TDRD3: variants seen among roughly 807,000 people sequenced by gnomAD.
TDRD3 encodes the protein tudor domain containing 3.
Under a neutral mutation model 86.7 loss-of-function variants are expected in TDRD3, and 45 were observed. The observed-to-expected ratio is 0.52, with a 90% CI of 0.41 to 0.67. The LOEUF (loss-of-function observed/expected upper bound fraction) is 0.67, where lower values mean the gene tolerates loss of function less well. Among genes scored for constraint, TDRD3 ranks in the 30% least tolerant of loss-of-function variants. The pLI, the probability that TDRD3 is intolerant of heterozygous loss-of-function variation, is 0.00. For synonymous variants in TDRD3, 298 were observed against 301.7 expected (o/e 0.99, Z 0.13); for missense variants, 814 against 889.0 (o/e 0.92, Z 1.07).
At chr13:60,410,915 C>T (rs1954349460) in intron 1 of TDRD3, among the ~76,000 whole-genome samples, 1 of 152,048 alleles carries the variant, frequency 6.6e-6, no homozygotes, top group Non-Finnish European at 1.5e-5. Context: ...TCTTTATAAA[C>T]ATATTAATTA....
chr13:60,462,969 T>C (rs1371344873), intron 4 of TDRD3, among the ~76,000 whole-genome samples: 3 of 152,088 alleles, frequency 2.0e-5, no homozygotes, highest in Non-Finnish European at 4.4e-5. Context: ...ATCCACATAC[T>C]TATAGCCAAC....
At chr13:60,433,186 T>A (rs1954997571) in intron 1 of TDRD3, among the ~76,000 whole-genome samples, 2 of 152,210 alleles carry the variant, frequency 1.3e-5, no homozygotes, top group Non-Finnish European at 2.9e-5. Flanking sequence ...AAGTTGCAGT[T>A]CAGATTTGAA....
At chr13:60,497,523 C>T (rs928850070) in intron 8 of TDRD3, among the ~76,000 whole-genome samples, 8 of 152,156 alleles carry the variant, frequency 5.3e-5, no homozygotes, top group African/African-American at 1.7e-4. Context: ...CTTAGTCGGC[C>T]TAGGAAATCC....
At chr13:60,461,816 G>A (rs189112270) in intron 4 of TDRD3, among the ~76,000 whole-genome samples, 278 of 152,222 alleles carry the variant, frequency 1.8e-3, no homozygotes, top group Non-Finnish European at 3.3e-3. Flanking sequence ...CCAGGAGTGG[G>A]GTTAAAATAT....
upstream of TDRD3, among the ~76,000 whole-genome samples, chr13:60,396,149 T>C (rs1362130294): frequency 1.3e-5 from 2 of 152,168 alleles, no homozygotes; most frequent in Non-Finnish European, 2.9e-5. Flanking sequence ...CAAGTCTGTT[T>C]TTGATGATGC....
intron 1 of TDRD3, among the ~76,000 whole-genome samples, chr13:60,406,789 C>A (rs886907783): frequency 6.6e-6 from 1 of 152,150 alleles, no homozygotes; most frequent in Non-Finnish European, 1.5e-5. Flanking sequence ...TTAAAACACT[C>A]TTTATAAATT....
At chr13:60,567,371 C>G (rs866071556) in intron 12 of TDRD3, among the ~76,000 whole-genome samples, 154 bp from the exon 13 acceptor site, 1 of 118,350 alleles carries the variant, frequency 8.4e-6, no homozygotes. Context: ...TTTCTTTTCC[C>G]TTCCCCTTGC....
At chr13:60,562,322 C>G (rs1295076044) in intron 12 of TDRD3, among the ~76,000 whole-genome samples, 1 of 151,482 alleles carries the variant, frequency 6.6e-6, no homozygotes, top group African/African-American at 2.4e-5. Context: ...CCCTTCCCCC[C>G]ACCCCCGGCA....
intron 12 of TDRD3, among the ~76,000 whole-genome samples, chr13:60,552,680 C>T (rs1279655178): frequency 1.3e-5 from 2 of 152,228 alleles, no homozygotes; most frequent in African/African-American, 4.8e-5. Context: ...GGGCTCTGTC[C>T]CTGCAGCAGA....
At chr13:60,562,331 C>CA (rs930527299) in intron 12 of TDRD3, among the ~76,000 whole-genome samples, 11 of 144,704 alleles carry the variant, frequency 7.6e-5, no homozygotes, top group African/African-American at 1.5e-4. Context: ...CCACCCCCGG[C>CA]AAAAAAAAAG....
At chr13:60,549,667 G>T (rs1185491183) in intron 12 of TDRD3, among the ~76,000 whole-genome samples, 2 of 151,926 alleles carry the variant, frequency 1.3e-5, no homozygotes, top group Non-Finnish European at 2.9e-5. Flanking sequence ...TTCCTTTGGG[G>T]GCTTATCTCA....
intron 7 of TDRD3, among the ~76,000 whole-genome samples, chr13:60,489,323 A>T (rs1956525175): frequency 6.6e-6 from 1 of 152,188 alleles, no homozygotes; most frequent in African/African-American, 2.4e-5. Context: ...AGTGAGATTG[A>T]AATTGTTTCC....
intron 12 of TDRD3, among the ~76,000 whole-genome samples, chr13:60,552,254 T>C (rs1958077184): frequency 6.6e-6 from 1 of 152,228 alleles, no homozygotes; most frequent in Admixed American, 6.5e-5. Context: ...TGGGTAAATG[T>C]TCCTATTCCA....
At chr13:60,429,072 G>A (rs762261205) in intron 1 of TDRD3, among the ~76,000 whole-genome samples, 1 of 152,100 alleles carries the variant, frequency 6.6e-6, no homozygotes, top group Non-Finnish European at 1.5e-5. Flanking sequence ...TTAAAGAAAT[G>A]GAAATGAGAA....
chr13:60,511,635 A>G (rs1957062171), intron 10 of TDRD3, among the ~76,000 whole-genome samples: 1 of 152,186 alleles, frequency 6.6e-6, no homozygotes, highest in Non-Finnish European at 1.5e-5. Flanking sequence ...GCCTCTGTTT[A>G]AAGTCTCAGA....
chr13:60,535,507 C>T lies in TDRD3; in HGVS notation c.2118+274C>T, dbSNP rs141838930. 2.3e-3 allele frequency: 453 copies of T among 197,844 alleles called. 2 individuals are homozygous for T. The highest frequency in any genetic ancestry group is 3.0e-3 in the Non-Finnish European group (297 of 100,554). 12.3% of individuals were successfully genotyped at this position (197,844 alleles called of 1,614,324 possible). A position where few individuals can be genotyped will look rare whatever the true frequency, so the allele number is the denominator to read the frequency against. On this transcript the variant is annotated intron_variant, in intron 12 of 13. Transcript: ENST00000377881. ...TTTACATTTGCCAAAAATTTGTATG[C>T]GTGAAATGGGTTTTTATGCATATTT...
At chr13:60,400,955 A>T (rs541239354) in intron 1 of TDRD3, among the ~76,000 whole-genome samples, 1 of 152,330 alleles carries the variant, frequency 6.6e-6, no homozygotes, top group African/African-American at 2.4e-5. Flanking sequence ...TAAATTATTG[A>T]TCAAAAGTGA....
chr13:60,429,032 A>G (rs562644097), intron 1 of TDRD3, among the ~76,000 whole-genome samples: 1 of 152,334 alleles, frequency 6.6e-6, no homozygotes, highest in African/African-American at 2.4e-5. Context: ...AATGTAAGCA[A>G]CACTAAGCAC....
chr13:60,565,594 A>G (rs973867525), intron 12 of TDRD3, among the ~76,000 whole-genome samples: 4 of 152,146 alleles, frequency 2.6e-5, no homozygotes, highest in Non-Finnish European at 5.9e-5. Context: ...ACAGTGTCCT[A>G]TCTCTGTGTA....
Sources: gnomAD v4.1 joint callset for allele counts (sites outside exome capture counted in the v4.1 genomes callset) on GRCh38, gnomAD v4.1.1 for gene constraint, MANE v1.5 for transcripts, NCBI Gene and HGNC (gene_info 2026-07-23, HGNC 2026-07-21) for gene names.